NBEAL2: variants seen among roughly 807,000 people sequenced by gnomAD.
NBEAL2 encodes the protein neurobeachin-like protein 2.
In NBEAL2, 160 loss-of-function variants were observed where a neutral mutation model predicts 299.8. The ratio of observed to expected loss-of-function variants is 0.53; its 90% CI spans 0.47 to 0.61. The LOEUF (loss-of-function observed/expected upper bound fraction) is 0.61. NBEAL2 is among the 20% of genes least tolerant of loss of function. The pLI is 0.00. For missense variants in NBEAL2, 3,112 were observed against 3,649.0 expected (o/e 0.85, Z 3.79); for synonymous variants, 1,493 against 1,542.3 (o/e 0.97, Z 0.75).
At chr3:46,994,250 G>A (rs1189931071) in intron 11 of NBEAL2, among the ~76,000 whole-genome samples, 1 of 152,156 alleles carries the variant, frequency 6.6e-6, no homozygotes, top group Non-Finnish European at 1.5e-5. Flanking sequence ...GACACTTGTA[G>A]GCCCACCTCC....
chr3:46,986,669 G>T (rs1011646701), intron 1 of NBEAL2, among the ~76,000 whole-genome samples: 7 of 152,184 alleles, frequency 4.6e-5, no homozygotes, highest in Admixed American at 3.3e-4. Context: ...GCAGCTAGGG[G>T]TCTCTGTGGG....
rs1180936664 is a variant in NBEAL2 at position 46,993,946 on chromosome 3, C to G, written c.1123C>G (p.Gln375Glu). Reference protein sequence around the residue: ...TEPDVQKVLDQDTDAIAVHVV... With the variant: ...TEPDVQKVLDEDTDAIAVHVV... ...CCCTCCCCACCCCAAGGTCCTGGACCAAGACACAGACGCCATTGCAGTCCA... is the reference window on the plus strand; with the variant it reads ...CCCTCCCCACCCCAAGGTCCTGGACGAAGACACAGACGCCATTGCAGTCCA... Residue 375 changes from glutamine to glutamate, a missense_variant, in exon 11 of 54, where the codon CAA becomes GAA. Physicochemically the swap from Gln to Glu is conservative, Grantham distance 29. Around this residue, in one of 3 missense-constraint regions of NBEAL2, gnomAD observed 2,243 missense variants for 2,538.1 expected, o/e 0.88. Transcript: ENST00000450053. 1 of 1,610,732 alleles carries G rather than the reference C, an allele frequency of 6.2e-7. No homozygotes were observed. The highest frequency in any genetic ancestry group is 1.1e-5 in the South Asian group (1 of 90,288).
rs1427122730 is a variant in NBEAL2 at position 47,004,146 on chromosome 3, G to A, written c.5951G>A (p.Arg1984His). ...REVHLRRFNL[R>H]RSALELFFID... ...GTCCACCTGCGGCGTTTCAACCTGC[G>A]CCGTTCAGCACTTGAGCTCTTCTTT... is the stretch of plus-strand genomic sequence containing the variant. The change falls in exon 37 of 54, where the codon CGC becomes CAC. Residue 1984 changes from arginine to histidine, a missense_variant. Arg to His is a conservative substitution (Grantham distance 29, BLOSUM62 0). This residue lies in a region of NBEAL2 where 521 missense variants were observed against 729.6 expected (regional missense o/e 0.71). Transcript: ENST00000450053. The surrounding 1 kb of genome is among the most constrained non-coding windows in gnomAD (Gnocchi z 5.0). The A allele has an allele frequency of 4.3e-6, 7 of 1,613,564 alleles. No homozygotes were observed. The highest frequency in any genetic ancestry group is 1.7e-5 in the Admixed American group (1 of 59,986).
intron 11 of NBEAL2, 92 bp from the exon 12 acceptor site, chr3:46,994,363 A>G (rs1244587245): frequency 1.6e-6 from 2 of 1,244,808 alleles, no homozygotes; most frequent in African/African-American, 1.5e-5. Context: ...GGGAACCCCA[A>G]AACATGATGC....
In NBEAL2 at chr3:46,989,125, G is replaced by C; in HGVS notation, c.310G>C (p.Val104Leu). Residue 104 changes from valine to leucine, a missense_variant, in exon 4 of 54, where the codon GTG becomes CTG. By Grantham distance (32) the Val-to-Leu change is conservative. Around this residue, in one of 3 missense-constraint regions of NBEAL2, gnomAD observed 2,243 missense variants for 2,538.1 expected, o/e 0.88. Coordinates refer to ENST00000450053, the MANE Select transcript of NBEAL2 (RefSeq NM_015175.3). This position sits in a 1 kb window ranked among gnomAD's most constrained non-coding sequence, Gnocchi z 5.5. ...AGAGGCAGGCCGGGGCCAAGTGCTA[G>C]TGCCCCGAGTGCTGGCACTGTTGAC... is the stretch of plus-strand genomic sequence containing the variant. ...NIEAGRGQVL[V>L]PRVLALLTKL... The C allele has an allele frequency of 6.2e-7, 1 of 1,613,866 alleles. No individual in the cohort carries two copies. Among genetic ancestry groups the C allele is most frequent in the Non-Finnish European group, 8.5e-7 (1 of 1,179,844 alleles).
In NBEAL2 at chr3:47,002,953, G is replaced by T; in HGVS notation, c.5460-4G>T. ...CGACCCATGACCTGGGGGACATTCTGCAGGGACACTCCCATCCCCCGCTGG... is the reference window on the plus strand; with the variant it reads ...CGACCCATGACCTGGGGGACATTCTTCAGGGACACTCCCATCCCCCGCTGG... On this transcript the variant is annotated splice_region_variant and splice_polypyrimidine_tract_variant and intron_variant, in intron 33 of 53. Transcript: ENST00000450053. 6.2e-7 allele frequency: 1 copy of T among 1,612,730 alleles called. No individual in the cohort carries two copies. The highest frequency in any genetic ancestry group is 8.5e-7 in the Non-Finnish European group (1 of 1,179,734).
rs747544166 is a variant in NBEAL2, at chr3:47,004,050, TC to T, written c.5882-24del. 5.6e-6 allele frequency: 9 copies of T among 1,606,914 alleles called. No homozygotes were observed. The highest frequency in any genetic ancestry group is 7.7e-6 in the Non-Finnish European group (9 of 1,175,160). Reference sequence around the variant, plus strand: ...TCTGGGTGGGGCTGGGGTGAGTGACTCCCGTACCTGCTGTTCCTCCCCATAG... The same window carrying T: ...TCTGGGTGGGGCTGGGGTGAGTGACTCCGTACCTGCTGTTCCTCCCCATAG... On this transcript the variant is annotated intron_variant, in intron 36 of 53. Transcript: ENST00000450053. This position sits in a 1 kb window ranked among gnomAD's most constrained non-coding sequence, Gnocchi z 5.0.
chr3:46,997,215 A>C (rs1328221826), intron 18 of NBEAL2, 44 bp from the exon 19 acceptor site: 1 of 1,608,688 alleles, frequency 6.2e-7, no homozygotes, highest in Admixed American at 1.7e-5. Flanking sequence ...TAGGGCAGGA[A>C]ACTGGCTGGA....
chr3:46,994,561 A>G lies in NBEAL2; in HGVS notation c.1296+8A>G. 1 of 1,567,664 alleles carries G rather than the reference A, an allele frequency of 6.4e-7. No homozygotes were observed. The highest frequency in any genetic ancestry group is 8.7e-7 in the Non-Finnish European group (1 of 1,154,568). On this transcript the variant is annotated splice_region_variant and intron_variant, in intron 12 of 53. Coordinates refer to ENST00000450053, the MANE Select transcript of NBEAL2 (RefSeq NM_015175.3). ...CAAGAGCTGCTCAACATGGTGAGGG[A>G]AGGGGCTTGGGACCAGGGTCCCAAA...
At chr3:47,007,943 G>A (rs1018577152) in intron 49 of NBEAL2, 33 bp downstream of exon 49, 12 of 1,598,798 alleles carry the variant, frequency 7.5e-6, no homozygotes, top group African/African-American at 4.0e-5. Flanking sequence ...TGGGGCCCCC[G>A]TAGCCCAGAC....
intron 1 of NBEAL2, among the ~76,000 whole-genome samples, chr3:46,987,721 C>G (rs1458002989): frequency 1.3e-5 from 2 of 152,152 alleles, no homozygotes; most frequent in African/African-American, 4.8e-5. Context: ...GAACCCTCAC[C>G]TGGATAAGAG....
chr3:47,005,649 G>A (rs2037379190), intron 41 of NBEAL2, 30 bp downstream of exon 41: 1 of 1,613,002 alleles, frequency 6.2e-7, no homozygotes, highest in African/African-American at 1.3e-5. Flanking sequence ...ACTGGAGCGG[G>A]CAGGTGTAGG....
Position 47,007,134 on chromosome 3 carries a change from C to T in NBEAL2, c.7203C>T (p.Thr2401=), listed in dbSNP as rs1217341504. 1 of 1,613,710 alleles carries T rather than the reference C, an allele frequency of 6.2e-7. No homozygotes were observed. Among genetic ancestry groups the T allele is most frequent in the Non-Finnish European group, 8.5e-7 (1 of 1,179,786 alleles). ...ACCGGCAGCCCCACTCCTTCATCAC[C>T]CAGGGTTCCCCAGACCTGTTGGTAA... ...VPHRQPHSFI[T]QGSPDLLVTV... The change falls in exon 46 of 54, where the codon ACC becomes ACT. Residue 2401 remains threonine (T), a synonymous_variant. Transcript: ENST00000450053.
Position 46,999,727 on chromosome 3 carries a change from A to G in NBEAL2, c.3789+12A>G. The G allele has an allele frequency of 6.2e-7, 1 of 1,611,692 alleles. No individual in the cohort carries two copies. The highest frequency in any genetic ancestry group is 8.5e-7 in the Non-Finnish European group (1 of 1,178,994). ...ACATCTGTCGCCAGGTGAGCATGAG[A>G]GGTAAAAGCTTTGGGGGAGGGGGAG... On this transcript the variant is annotated intron_variant, in intron 26 of 53. Coordinates refer to ENST00000450053, the MANE Select transcript of NBEAL2 (RefSeq NM_015175.3).
At chr3:46,980,731 A>G (rs976807472) in intron 1 of NBEAL2, among the ~76,000 whole-genome samples, 3 of 152,038 alleles carry the variant, frequency 2.0e-5, no homozygotes, top group African/African-American at 7.3e-5. Flanking sequence ...ATCAGCTGAG[A>G]ACCTGGTATC....
At position 46,982,999 on chromosome 3, in the gene NBEAL2, A is replaced by T. The variant is rs555986853; in HGVS notation, c.51+3087A>T. Among the ~76,000 whole-genome samples the T allele has an allele frequency of 4.6e-5, 7 of 152,278 alleles. No homozygotes were observed. Among genetic ancestry groups the T allele is most frequent in the Non-Finnish European group, 8.8e-5 (6 of 68,020 alleles). On this transcript the variant is annotated intron_variant, in intron 1 of 53. Coordinates refer to ENST00000450053, the MANE Select transcript of NBEAL2 (RefSeq NM_015175.3). The surrounding 1 kb of genome is among the most constrained non-coding windows in gnomAD (Gnocchi z 4.2). ...GAGTGGCCCCTGTTCAGGCCGGAGC[A>T]GCAGTGATGTTCAGCAACCCCTCCA...
Position 47,004,162 on chromosome 3 carries a change from G to A in NBEAL2, c.5967G>A (p.Glu1989=). Residue 1989 remains glutamate (E), a synonymous_variant, in exon 37 of 54, where the codon GAG becomes GAA. Coordinates refer to ENST00000450053, the MANE Select transcript of NBEAL2 (RefSeq NM_015175.3). This position sits in a 1 kb window ranked among gnomAD's most constrained non-coding sequence, Gnocchi z 5.0. ...TCAACCTGCGCCGTTCAGCACTTGAGCTCTTCTTTATCGATCAGGCCAACT... is the reference window on the plus strand; with the variant it reads ...TCAACCTGCGCCGTTCAGCACTTGAACTCTTCTTTATCGATCAGGCCAACT... ...RRFNLRRSAL[E]LFFIDQANYF... is the part of the protein sequence containing the mutation. 1 of 1,613,770 alleles carries A rather than the reference G, an allele frequency of 6.2e-7. No individual in the cohort carries two copies. Among genetic ancestry groups the A allele is most frequent in the Non-Finnish European group, 8.5e-7 (1 of 1,179,808 alleles).
rs2037543890 is a variant in NBEAL2 at position 47,007,543 on chromosome 3, T to A, written c.7353T>A (p.Ser2451Arg). 3 of 1,612,088 alleles carry A rather than the reference T, an allele frequency of 1.9e-6. No homozygotes were observed. Among genetic ancestry groups the A allele is most frequent in the Admixed American group, 1.7e-5 (1 of 59,858 alleles). Reference sequence around the variant, plus strand: ...GGGTCAGGACGCAGCGACTGCTGAGTGGCCCGTGGGTGCCAGGCAGTGGTG... The same window carrying A: ...GGGTCAGGACGCAGCGACTGCTGAGAGGCCCGTGGGTGCCAGGCAGTGGTG... ...MGSHKTQRLL[S>R]GPWVPGSGVS... Residue 2451 changes from serine to arginine, a missense_variant, in exon 48 of 54, where the codon AGT (serine) becomes AGA (arginine). Ser to Arg is a moderately radical substitution (Grantham distance 110, BLOSUM62 -1). Coordinates refer to ENST00000450053, the MANE Select transcript of NBEAL2 (RefSeq NM_015175.3).
At chr3:47,005,688 G>GC in intron 41 of NBEAL2, 50 bp from the exon 42 acceptor site, 1 of 1,612,974 alleles carries the variant, frequency 6.2e-7, no homozygotes. Flanking sequence ...GAGTGGCCAG[G>GC]GGGCAGTCGG....
Sources: allele counts gnomAD v4.1 joint callset (sites outside exome capture counted in the v4.1 genomes callset), GRCh38; gene constraint gnomAD v4.1.1; regional missense constraint gnomAD v4.1.1; non-coding constraint Gnocchi (gnomAD v3.1); transcripts MANE v1.5; gene names NCBI Gene and HGNC (gene_info 2026-07-23, HGNC 2026-07-21).